Variants in ARHGAP32 observed in about 807,000 individuals in gnomAD.
ARHGAP32 encodes the protein Rho GTPase activating protein 32, also known as rho GTPase-activating protein 32.
A neutral mutation model predicts 186.5 loss-of-function variants in ARHGAP32; 51 were observed. The observed-to-expected ratio is 0.27, with a 90% CI of 0.22 to 0.35. The LOEUF (loss-of-function observed/expected upper bound fraction) is 0.35. Among genes scored for constraint, ARHGAP32 ranks in the 10% least tolerant of loss-of-function variants. The pLI is 1.00. For missense variants in ARHGAP32, 2,186 were observed against 2,623.5 expected (o/e 0.83, Z 3.64); for synonymous variants, 950 against 964.3 (o/e 0.99, Z 0.27).
At chr11:129,276,340 G>A (rs982579893) in intron 1 of ARHGAP32, among the ~76,000 whole-genome samples, 6 of 152,152 alleles carry the variant, frequency 3.9e-5, no homozygotes, top group African/African-American at 1.4e-4. Context: ...TCACTCTGTT[G>A]ACCAGGCTCA....
chr11:129,037,222 C>T (rs1189852911), intron 11 of ARHGAP32, among the ~76,000 whole-genome samples: 1 of 152,172 alleles, frequency 6.6e-6, no homozygotes, highest in Non-Finnish European at 1.5e-5. Context: ...ACTGACTGGG[C>T]CTAGTGGCTC....
At chr11:129,064,091 T>G in intron 8 of ARHGAP32, 67 bp from the exon 9 acceptor site, 1 of 1,381,338 alleles carries the variant, frequency 7.2e-7, no homozygotes, top group South Asian at 1.6e-5. Flanking sequence ...TGACTATCTA[T>G]AAAAGAAATT....
At chr11:129,106,058 T>C (rs1394860081) in intron 5 of ARHGAP32, among the ~76,000 whole-genome samples, 3 of 152,222 alleles carry the variant, frequency 2.0e-5, no homozygotes, top group East Asian at 1.9e-4. Flanking sequence ...GAATTGCTTA[T>C]ATACTGTTGT....
At chr11:129,219,769 C>T (rs1944689684) in intron 1 of ARHGAP32, among the ~76,000 whole-genome samples, 1 of 152,242 alleles carries the variant, frequency 6.6e-6, no homozygotes, top group East Asian at 1.9e-4. Flanking sequence ...ACACAATTGT[C>T]TCCCAGAGTG....
At chr11:129,190,498 C>T (rs576104474) in intron 1 of ARHGAP32, among the ~76,000 whole-genome samples, 7 of 152,318 alleles carry the variant, frequency 4.6e-5, no homozygotes, top group African/African-American at 7.2e-5. Context: ...AACAACACAT[C>T]ACTAGCTCAG....
chr11:129,120,377 T>A (rs1020113156), intron 5 of ARHGAP32, among the ~76,000 whole-genome samples: 1 of 152,064 alleles, frequency 6.6e-6, no homozygotes, highest in Admixed American at 6.5e-5. Context: ...TTATTAGGCA[T>A]CCAAGTGAAG....
intron 1 of ARHGAP32, among the ~76,000 whole-genome samples, chr11:129,207,912 T>C (rs1391071056): frequency 6.6e-6 from 1 of 152,174 alleles, no homozygotes; most frequent in Non-Finnish European, 1.5e-5. Flanking sequence ...AGGTTTTGAA[T>C]GTTTCTCTTG....
chr11:128,999,570 C>T (rs1457375028), intron 11 of ARHGAP32, among the ~76,000 whole-genome samples: 2 of 152,162 alleles, frequency 1.3e-5, no homozygotes, highest in South Asian at 2.1e-4. Context: ...TAAAAACTTG[C>T]TGGTTTTGCA....
At chr11:129,197,532 GAATATA>G (rs960764537) in intron 1 of ARHGAP32, among the ~76,000 whole-genome samples, 22 of 152,060 alleles carry the variant, frequency 1.4e-4, no homozygotes, top group Non-Finnish European at 2.6e-4. Context: ...TCATGAATAT[GAATATA>G]AATATAAATA....
intron 11 of ARHGAP32, among the ~76,000 whole-genome samples, chr11:129,024,902 T>A (rs1319172499): frequency 6.6e-6 from 1 of 152,228 alleles, no homozygotes. Context: ...TTTGCATAAA[T>A]ACAATATAAA....
chr11:129,211,473 A>C (rs1312165361), intron 1 of ARHGAP32, among the ~76,000 whole-genome samples: 1 of 152,206 alleles, frequency 6.6e-6, no homozygotes, highest in Non-Finnish European at 1.5e-5. Context: ...TCCATCAAAA[A>C]CGCTGGGCAT....
intron 15 of ARHGAP32, 174 bp downstream of exon 15, chr11:128,985,829 T>TGTGCGC (rs1351945893): frequency 7.1e-6 from 1 of 140,012 alleles, no homozygotes; most frequent in Non-Finnish European, 1.3e-5. Flanking sequence ...TGTGTGTGTG[T>TGTGCGC]GCGTGTGTGT....
intron 1 of ARHGAP32, among the ~76,000 whole-genome samples, chr11:129,226,387 C>A (rs998063804): frequency 6.6e-6 from 1 of 152,110 alleles, no homozygotes; most frequent in Non-Finnish European, 1.5e-5. Context: ...ACATCACATA[C>A]AAGGGATCCT....
chr11:129,109,725 T>C (rs1368045431), intron 5 of ARHGAP32, among the ~76,000 whole-genome samples: 1 of 152,110 alleles, frequency 6.6e-6, no homozygotes, highest in Non-Finnish European at 1.5e-5. Context: ...TATATCTTCT[T>C]TGAGAACTCT....
chr11:129,020,985 A>C (rs537453073), intron 11 of ARHGAP32, among the ~76,000 whole-genome samples: 2 of 152,188 alleles, frequency 1.3e-5, no homozygotes, highest in African/African-American at 4.8e-5. Flanking sequence ...TCAGGAATTA[A>C]ATGAAACAGT....
chr11:128,983,587 T>C (rs1276464314), intron 15 of ARHGAP32, among the ~76,000 whole-genome samples: 1 of 151,952 alleles, frequency 6.6e-6, no homozygotes, highest in African/African-American at 2.4e-5. Context: ...GGCACATGTA[T>C]ACATATGTAA....
chr11:128,967,346 C>CACT lies in ARHGAP32; in HGVS notation c.*1560_*1561insAGT, dbSNP rs1837389666. On this transcript the variant is annotated 3_prime_UTR_variant, in exon 23 of 23. Transcript: ENST00000682385. ...TCTAAAAAGCCAGAGCAGCAACCAT[C>CACT]CAGTAATTGGAATGCAATTCTCCTA... The CACT allele has an allele frequency of 6.6e-6, 1 of 152,198 alleles. No homozygotes were observed. The highest frequency in any genetic ancestry group is 6.5e-5 in the Admixed American group (1 of 15,288). 9.4% of individuals were successfully genotyped at this position (152,198 alleles called of 1,614,324 possible). A position where few individuals can be genotyped will look rare whatever the true frequency, so the allele number is the denominator to read the frequency against.
chr11:129,252,991 A>G (rs1347108977), intron 1 of ARHGAP32, among the ~76,000 whole-genome samples: 2 of 152,228 alleles, frequency 1.3e-5, no homozygotes, highest in African/African-American at 4.8e-5. Context: ...GTTTTGGCCA[A>G]ACAGAACAAT....
intron 1 of ARHGAP32, among the ~76,000 whole-genome samples, chr11:129,243,190 G>A (rs1399218282): frequency 6.6e-6 from 1 of 152,056 alleles, no homozygotes; most frequent in Non-Finnish European, 1.5e-5. Flanking sequence ...TGTGCATTAA[G>A]ACTAATGCAA....
Sources: gnomAD v4.1 joint callset for allele counts (sites outside exome capture counted in the v4.1 genomes callset) on GRCh38, gnomAD v4.1.1 for gene constraint, MANE v1.5 for transcripts, NCBI Gene and HGNC (gene_info 2026-07-23, HGNC 2026-07-21) for gene names.